RHOA: variants seen among roughly 807,000 people sequenced by gnomAD.
RHOA encodes the protein ras homolog family member A.
A neutral mutation model predicts 17.5 loss-of-function variants in RHOA; 3 were observed. The ratio of observed to expected loss-of-function variants is 0.17; its 90% CI spans 0.08 to 0.44. The LOEUF (loss-of-function observed/expected upper bound fraction) is 0.44, where lower values mean the gene tolerates loss of function less well. Ranked by LOEUF, RHOA falls within the 20% of genes least tolerant of loss-of-function variation. The pLI, the probability that RHOA is intolerant of heterozygous loss-of-function variation, is 0.99. For synonymous variants in RHOA, 98 were observed against 88.4 expected (o/e 1.11, Z -0.61); for missense variants, 56 against 242.3 (o/e 0.23, Z 5.10).
intron 1 of RHOA, among the ~76,000 whole-genome samples, chr3:49,376,133 G>A (rs1019880299): frequency 4.6e-5 from 7 of 151,916 alleles, no homozygotes; most frequent in Non-Finnish European, 1.0e-4. Flanking sequence ...GAGCCACCAC[G>A]CCTGGCCTGT....
rs2047914397 is a variant in RHOA at position 49,359,224 on chromosome 3, G to T, written c.*985C>A. On this transcript the variant is annotated 3_prime_UTR_variant, in exon 5 of 5. Transcript: ENST00000418115. ...AAAAAGTTTAGTCAGCTGGAGAGAA[G>T]AGAGACTGAGTGCCACCCATGAGAA... 5.2e-6 allele frequency: 1 copy of T among 191,058 alleles called. No homozygotes were observed. The highest frequency in any genetic ancestry group is 1.9e-4 in the South Asian group (1 of 5,158). The allele number at this position is 191,058 out of a possible 1,614,324, so 11.8% of individuals were successfully genotyped here.
rs369187463 is a variant in RHOA at position 49,385,058 on chromosome 3, C to CG, written c.-2-9468dup. On this transcript the variant is annotated intron_variant, in intron 1 of 4. Coordinates refer to ENST00000418115, the MANE Select transcript of RHOA (RefSeq NM_001664.4). ...AGTCTGGGTGACAGCAAGACTGTCTCGGGGGAAAAACAAATTTAATTATCT... is the reference window on the plus strand; with the variant it reads ...AGTCTGGGTGACAGCAAGACTGTCTCGGGGGGAAAAACAAATTTAATTATCT... Among the ~76,000 whole-genome samples, 1,012 of 150,572 alleles carry CG rather than the reference C, an allele frequency of 6.7e-3. 8 individuals are homozygous for CG. The highest frequency in any genetic ancestry group is 0.024 in the African/African-American group (968 of 40,980).
In RHOA at chr3:49,376,426, G is replaced by A. The variant is rs570861366; in HGVS notation, c.-2-835C>T. Among the ~76,000 whole-genome samples, 51 of 147,624 alleles carry A rather than the reference G, an allele frequency of 3.5e-4. 2 individuals carry two copies. The Middle Eastern group carries it at 0.011, about 32-fold the overall frequency. ...TGGGAGGCCGAGGCGGGTGGATCAC[G>A]AGGTCAGGAGATCGAGACCATCCTG... On this transcript the variant is annotated intron_variant, in intron 1 of 4. Transcript: ENST00000418115.
At chr3:49,376,529 G>A (rs2048229972) in intron 1 of RHOA, among the ~76,000 whole-genome samples, 1 of 151,052 alleles carries the variant, frequency 6.6e-6, no homozygotes, top group Non-Finnish European at 1.5e-5. Context: ...TGTAGTCCCA[G>A]CTACTTGGGA....
At chr3:49,388,060 G>A (rs1049061407) in intron 1 of RHOA, among the ~76,000 whole-genome samples, 1 of 151,386 alleles carries the variant, frequency 6.6e-6, no homozygotes, top group Non-Finnish European at 1.5e-5. Context: ...AGGCTGGAGT[G>A]CAGTGCTGTC....
chr3:49,408,549 C>T (rs902715104), intron 1 of RHOA, among the ~76,000 whole-genome samples: 21 of 152,142 alleles, frequency 1.4e-4, no homozygotes, highest in Non-Finnish European at 2.6e-4. Context: ...CCAAGGCCTT[C>T]ACTTAATACT....
chr3:49,378,618 A>T (rs1210171890), intron 1 of RHOA, among the ~76,000 whole-genome samples: 2 of 151,886 alleles, frequency 1.3e-5, no homozygotes, highest in Non-Finnish European at 2.9e-5. Flanking sequence ...AGTTATTTTC[A>T]GAAAGGGTCT....
chr3:49,386,412 G>C (rs970194812), intron 1 of RHOA, among the ~76,000 whole-genome samples: 2 of 152,090 alleles, frequency 1.3e-5, no homozygotes, highest in African/African-American at 2.4e-5. Flanking sequence ...AACAATCCTC[G>C]CAACAGTCCT....
intron 1 of RHOA, among the ~76,000 whole-genome samples, chr3:49,398,359 AAAGT>A (rs879586498): frequency 1.2e-4 from 18 of 152,198 alleles, no homozygotes; most frequent in Middle Eastern, 3.4e-3. Flanking sequence ...TCAAAAAAAA[AAAGT>A]AAGATCTAAA....
intron 1 of RHOA, among the ~76,000 whole-genome samples, chr3:49,384,875 C>T (rs1295473124): frequency 6.6e-6 from 1 of 151,914 alleles, no homozygotes; most frequent in Non-Finnish European, 1.5e-5. Context: ...AGCAGCCTGG[C>T]CAACATGGTG....
At chr3:49,387,623 T>C (rs1261877271) in intron 1 of RHOA, among the ~76,000 whole-genome samples, 1 of 151,056 alleles carries the variant, frequency 6.6e-6, no homozygotes, top group Non-Finnish European at 1.5e-5. Context: ...CGGGCACCTG[T>C]AGTTCCAGCT....
At chr3:49,372,438 T>C (rs1289454068) in intron 2 of RHOA, among the ~76,000 whole-genome samples, 1 of 152,022 alleles carries the variant, frequency 6.6e-6, no homozygotes, top group Non-Finnish European at 1.5e-5. Flanking sequence ...TGTATTTGAA[T>C]AAAAAAGAGC....
chr3:49,371,583 T>G (rs1350548503), intron 2 of RHOA, among the ~76,000 whole-genome samples: 2 of 152,156 alleles, frequency 1.3e-5, no homozygotes, highest in African/African-American at 4.8e-5. Context: ...TCTGGCCTTA[T>G]ACTATTGCAT....
chr3:49,385,880 A>T (rs1451475527), intron 1 of RHOA, among the ~76,000 whole-genome samples: 1 of 152,158 alleles, frequency 6.6e-6, no homozygotes, highest in Non-Finnish European at 1.5e-5. Flanking sequence ...CACTTGAGAA[A>T]TCAACTAATT....
chr3:49,382,273 C>T (rs1474727834), intron 1 of RHOA, among the ~76,000 whole-genome samples: 3 of 151,860 alleles, frequency 2.0e-5, no homozygotes, highest in East Asian at 1.9e-4. Flanking sequence ...GAGCTAAGAT[C>T]GTGCCACTGC....
chr3:49,374,666 G>A (rs1031300181), intron 2 of RHOA, among the ~76,000 whole-genome samples: 8 of 152,084 alleles, frequency 5.3e-5, no homozygotes, highest in South Asian at 4.2e-4. Context: ...AGGTTGCAGC[G>A]AGCTGAGATT....
At chr3:49,360,891 T>C in intron 4 of RHOA, 1 of 320,158 alleles carries the variant, frequency 3.1e-6, no homozygotes, top group South Asian at 2.3e-5. Context: ...CTGGCCAACA[T>C]GGTGAAACCC....
intron 1 of RHOA, among the ~76,000 whole-genome samples, chr3:49,381,903 G>A (rs557583325): frequency 2.4e-3 from 359 of 151,792 alleles, no homozygotes; most frequent in African/African-American, 8.2e-3. Flanking sequence ...TCCCCAGTTA[G>A]AGTCAAGTGT....
At chr3:49,409,199 A>G (rs2048891763) in intron 1 of RHOA, among the ~76,000 whole-genome samples, 1 of 151,250 alleles carries the variant, frequency 6.6e-6, no homozygotes, top group African/African-American at 2.4e-5. Context: ...GTTCAAGACC[A>G]GCCTGGCCAA....
Sources: allele counts gnomAD v4.1 joint callset (sites outside exome capture counted in the v4.1 genomes callset), GRCh38; gene constraint gnomAD v4.1.1; transcripts MANE v1.5; gene names NCBI Gene and HGNC (gene_info 2026-07-23, HGNC 2026-07-21).